Variants in L3MBTL4 observed in about 807,000 individuals in gnomAD.
L3MBTL4 encodes L3MBTL histone methyl-lysine binding protein 4, also known as lethal(3)malignant brain tumor-like protein 4.
A neutral mutation model predicts 84.5 loss-of-function variants in L3MBTL4; 70 were observed. The observed-to-expected ratio is 0.83, with a 90% confidence interval of 0.68 to 1.01. L3MBTL4 has a LOEUF of 1.01. Among genes scored for constraint, L3MBTL4 ranks in the 50% least tolerant of loss-of-function variants. The pLI, the probability that L3MBTL4 is intolerant of heterozygous loss-of-function variation, is 0.00. For missense variants in L3MBTL4, 715 were observed against 754.8 expected (o/e 0.95, Z 0.62); for synonymous variants, 274 against 259.8 (o/e 1.05, Z -0.52).
intron 1 of L3MBTL4, among the ~76,000 whole-genome samples, chr18:6,407,052 C>T (rs781353725): frequency 1.8e-4 from 28 of 152,228 alleles, no homozygotes; most frequent in Non-Finnish European, 3.4e-4. Flanking sequence ...TTTGTTCTCT[C>T]GCCCTTTACT....
chr18:6,088,963 G>C (rs2058348480), intron 15 of L3MBTL4, among the ~76,000 whole-genome samples: 1 of 152,124 alleles, frequency 6.6e-6, no homozygotes. Flanking sequence ...AGCTTTATTA[G>C]GCATTTTCTT....
intron 4 of L3MBTL4, among the ~76,000 whole-genome samples, chr18:6,284,452 CA>C (rs946262278): frequency 1.3e-5 from 2 of 152,162 alleles, no homozygotes; most frequent in African/African-American, 4.8e-5. Context: ...CGAGGCCAAG[CA>C]AAAGGGCCGG....
At chr18:6,356,192 C>A (rs900360332) in intron 1 of L3MBTL4, among the ~76,000 whole-genome samples, 6 of 152,174 alleles carry the variant, frequency 3.9e-5, no homozygotes, top group African/African-American at 1.4e-4. Context: ...AGTCAGCATC[C>A]CAGTACCTGG....
chr18:5,972,178 C>T (rs563434376), intron 16 of L3MBTL4, among the ~76,000 whole-genome samples: 7 of 152,292 alleles, frequency 4.6e-5, no homozygotes, highest in Admixed American at 2.0e-4. Flanking sequence ...TGTTTACAGG[C>T]AACCTCAAGT....
intron 17 of L3MBTL4, among the ~76,000 whole-genome samples, chr18:5,963,960 C>G (rs2052198335): frequency 6.6e-6 from 1 of 152,276 alleles, no homozygotes; most frequent in Non-Finnish European, 1.5e-5. Flanking sequence ...GTGGGGTCAT[C>G]TCCTTTTTCA....
chr18:6,116,189 C>T (rs1273940898), intron 14 of L3MBTL4, among the ~76,000 whole-genome samples: 1 of 152,056 alleles, frequency 6.6e-6, no homozygotes, highest in Non-Finnish European at 1.5e-5. Context: ...AAAAGGACCA[C>T]AGGGTTCAGC....
At chr18:6,294,884 C>T (rs2050023189) in intron 4 of L3MBTL4, among the ~76,000 whole-genome samples, 1 of 152,132 alleles carries the variant, frequency 6.6e-6, no homozygotes, top group Admixed American at 6.6e-5. Flanking sequence ...CTGAAGGTGT[C>T]ACAGGAAGTT....
chr18:6,196,174 T>C (rs1460051785), intron 12 of L3MBTL4, among the ~76,000 whole-genome samples: 1 of 150,088 alleles, frequency 6.7e-6, no homozygotes. Context: ...TTTTTTTTTT[T>C]TGAGACTGAG....
rs971356069 is a variant in L3MBTL4 at position 5,956,200 on chromosome 18, A to T, written c.*20T>A. 8 of 1,603,962 alleles carry T rather than the reference A, an allele frequency of 5.0e-6. No homozygotes were observed. The highest frequency in any genetic ancestry group is 6.8e-6 in the Non-Finnish European group (8 of 1,174,044). ...GAAAGAGCGCAGGTCTTGGTGCCAG[A>T]GGAAGTTCAGGGAGCCCATTCATCC... On this transcript the variant is annotated 3_prime_UTR_variant, in exon 19 of 19. Transcript: ENST00000317931.
chr18:6,121,701 T>C (rs1209656782), intron 14 of L3MBTL4, among the ~76,000 whole-genome samples: 1 of 137,304 alleles, frequency 7.3e-6, no homozygotes, highest in African/African-American at 2.9e-5. Context: ...TGTGTGTGTG[T>C]GTGTGTGTGT....
intron 12 of L3MBTL4, among the ~76,000 whole-genome samples, chr18:6,194,750 G>A (rs189503800): frequency 2.6e-5 from 4 of 152,172 alleles, no homozygotes; most frequent in African/African-American, 7.2e-5. Flanking sequence ...AACCAGCAAC[G>A]AAGACACAGG....
chr18:6,297,534 T>G (rs2050157144), intron 4 of L3MBTL4, among the ~76,000 whole-genome samples: 1 of 152,078 alleles, frequency 6.6e-6, no homozygotes, highest in Non-Finnish European at 1.5e-5. Context: ...ATCCTAAAAT[T>G]TTTCCAAAAA....
chr18:6,118,103 CT>C (rs1410075638), intron 14 of L3MBTL4, among the ~76,000 whole-genome samples: 2 of 151,826 alleles, frequency 1.3e-5, no homozygotes, highest in African/African-American at 4.8e-5. Context: ...CATCTGTGGC[CT>C]CTTCCCCATG....
chr18:5,985,136 G>A (rs1010352359), intron 16 of L3MBTL4, among the ~76,000 whole-genome samples: 8 of 152,136 alleles, frequency 5.3e-5, no homozygotes, highest in African/African-American at 1.2e-4. Flanking sequence ...AGGTTCAAAT[G>A]AGAGTGCTAG....
At chr18:6,178,695 G>T (rs376606753) in intron 12 of L3MBTL4, among the ~76,000 whole-genome samples, 4 of 152,122 alleles carry the variant, frequency 2.6e-5, no homozygotes, top group East Asian at 1.9e-4. Flanking sequence ...TGTCCTAATG[G>T]TATTAACGTT....
intron 16 of L3MBTL4, among the ~76,000 whole-genome samples, chr18:6,048,130 A>T (rs1351306016): frequency 1.3e-5 from 2 of 152,218 alleles, no homozygotes; most frequent in East Asian, 3.9e-4. Context: ...GCTGAGAGCC[A>T]AATCATTTCA....
chr18:5,962,701 C>T (rs1299663582), intron 17 of L3MBTL4, among the ~76,000 whole-genome samples: 1 of 152,140 alleles, frequency 6.6e-6, no homozygotes, highest in Non-Finnish European at 1.5e-5. Context: ...GGCCAAGGAC[C>T]ACAGCGCTGC....
intron 16 of L3MBTL4, among the ~76,000 whole-genome samples, chr18:6,068,587 T>G (rs2057473752): frequency 1.3e-5 from 2 of 152,192 alleles, no homozygotes; most frequent in African/African-American, 4.8e-5. Context: ...CAAGCCTGAA[T>G]TTGAGAAGTG....
intron 16 of L3MBTL4, among the ~76,000 whole-genome samples, chr18:5,989,018 C>T (rs2053576946): frequency 6.6e-6 from 1 of 152,298 alleles, no homozygotes; most frequent in South Asian, 2.1e-4. Context: ...CCTTTGAGGA[C>T]TTCCACTACT....
Sources: allele counts gnomAD v4.1 joint callset (sites outside exome capture counted in the v4.1 genomes callset), GRCh38; gene constraint gnomAD v4.1.1; transcripts MANE v1.5; gene names NCBI Gene and HGNC (gene_info 2026-07-23, HGNC 2026-07-21).